MCPH1: variants seen among roughly 807,000 people sequenced by gnomAD.
MCPH1 encodes the protein microcephalin 1.
A neutral mutation model predicts 84.5 loss-of-function variants in MCPH1; 104 were observed. The observed-to-expected ratio is 1.23, with a 90% CI of 1.05 to 1.45. The LOEUF (loss-of-function observed/expected upper bound fraction) is 1.45. Among genes scored for constraint, MCPH1 ranks in the 40% most tolerant of loss-of-function variants. The pLI is 0.00. For synonymous variants in MCPH1, 514 were observed against 366.8 expected, an observed-to-expected ratio of 1.40 and a Z score of -4.58; for missense variants, 1,498 against 1,005.7, an observed-to-expected ratio of 1.49 and a Z score of -6.62.
At chr8:6,481,601 T>C (rs2129559928) in intron 11 of MCPH1, among the ~76,000 whole-genome samples, 1 of 152,230 alleles carries the variant, frequency 6.6e-6, no homozygotes, top group East Asian at 1.9e-4. Context: ...TTCATACTCA[T>C]ACTGTGTTCA....
chr8:6,593,682 T>C (rs1468764008), intron 12 of MCPH1, among the ~76,000 whole-genome samples: 3 of 152,234 alleles, frequency 2.0e-5, no homozygotes, highest in Non-Finnish European at 4.4e-5. Flanking sequence ...GGCTGGATTT[T>C]GTCTTTGCTC....
intron 13 of MCPH1, 98 bp downstream of exon 13, chr8:6,621,789 T>C: frequency 1.3e-6 from 2 of 1,519,262 alleles, no homozygotes; most frequent in Non-Finnish European, 1.8e-6. Context: ...TCCACGCAGC[T>C]GGGGCACCTG....
chr8:6,646,458 T>G lies in MCPH1; in HGVS notation c.*3409T>G, dbSNP rs1356168829. 6.6e-6 allele frequency: 1 copy of G among 152,192 alleles called. No individual in the cohort carries two copies. Among genetic ancestry groups the G allele is most frequent in the Non-Finnish European group, 1.5e-5 (1 of 68,024 alleles). 9.4% of individuals were successfully genotyped at this position (152,192 alleles called of 1,614,324 possible). A position where few individuals can be genotyped will look rare whatever the true frequency, so the allele number is the denominator to read the frequency against. ...AGAATTCAGGTATAAATCTTCATATTTATGGCTGATTGACTTTGAACAAAG... is the reference window on the plus strand; with the variant it reads ...AGAATTCAGGTATAAATCTTCATATGTATGGCTGATTGACTTTGAACAAAG... On this transcript the variant is annotated 3_prime_UTR_variant, in exon 14 of 14. Transcript: ENST00000344683.
chr8:6,597,856 C>T (rs561056643), intron 12 of MCPH1, among the ~76,000 whole-genome samples: 1 of 152,274 alleles, frequency 6.6e-6, no homozygotes, highest in African/African-American at 2.4e-5. Context: ...CCTAGGTGGG[C>T]CTGCCCTTCA....
chr8:6,439,443 T>C (rs916889107), intron 6 of MCPH1, among the ~76,000 whole-genome samples: 88 of 150,838 alleles, frequency 5.8e-4, no homozygotes, highest in African/African-American at 2.0e-3. Flanking sequence ...CAGGCTGGAG[T>C]GCAGTGGCGC....
chr8:6,604,265 G>A lies in MCPH1; in HGVS notation c.2215-17189G>A, dbSNP rs367956955. On this transcript the variant is annotated intron_variant, in intron 12 of 13. Transcript: ENST00000344683. ...GCTTCTCCACGGAGCCCTGTTCTCAGCCCTGGAGGCCGGCAATGTGCTTCA... is the reference window on the plus strand; with the variant it reads ...GCTTCTCCACGGAGCCCTGTTCTCAACCCTGGAGGCCGGCAATGTGCTTCA... Among the ~76,000 whole-genome samples, 546 of 152,270 alleles carry A rather than the reference G, an allele frequency of 3.6e-3. 7 individuals carry two copies. Among genetic ancestry groups the A allele is most frequent in the African/African-American group, 0.013 (532 of 41,558 alleles).
Position 6,406,756 on chromosome 8 carries a change from G to A in MCPH1, c.22+67G>A, listed in dbSNP as rs558835062. 272 of 1,561,116 alleles carry A rather than the reference G, an allele frequency of 1.7e-4. 1 individual carries two copies. Among genetic ancestry groups the A allele is most frequent in the Non-Finnish European group, 1.8e-5 (21 of 1,138,626 alleles). On this transcript the variant is annotated intron_variant, in intron 1 of 13. Coordinates refer to ENST00000344683, the MANE Select transcript of MCPH1 (RefSeq NM_024596.5). ...AGGACCGGCACCCCTCGTCGCGGGC[G>A]CACTCGGGGGATCCCGTGGGAGGAG...
rs777266601 is a variant in MCPH1 at position 6,439,142 on chromosome 8, C to T, written c.580+46C>T. 4 of 1,570,764 alleles carry T rather than the reference C, an allele frequency of 2.5e-6. No homozygotes were observed. The South Asian group carries it at 4.5e-5, about 18-fold the overall frequency. Reference sequence around the variant, plus strand: ...ATGAAAATTATGCAAATAGCCGATTCAATTATGGTGGAAAGCTTCTTTTTT... The same window carrying T: ...ATGAAAATTATGCAAATAGCCGATTTAATTATGGTGGAAAGCTTCTTTTTT... On this transcript the variant is annotated intron_variant, in intron 6 of 13. Coordinates refer to ENST00000344683, the MANE Select transcript of MCPH1 (RefSeq NM_024596.5).
rs1281510751 is a variant in MCPH1 at position 6,445,552 on chromosome 8, G to C, written c.1825+5G>C. 1 of 1,571,414 alleles carries C rather than the reference G, an allele frequency of 6.4e-7. No individual in the cohort carries two copies. Among genetic ancestry groups the C allele is most frequent in the East Asian group, 2.3e-5 (1 of 44,438 alleles). On this transcript the variant is annotated splice_donor_5th_base_variant and intron_variant, in intron 8 of 13. Coordinates refer to ENST00000344683, the MANE Select transcript of MCPH1 (RefSeq NM_024596.5). ...TACCCGGAGGATACAGTGGAAGTAT[G>C]TGAATCTCCTTTTCCAAGTCACCTT...
intron 13 of MCPH1, chr8:6,625,019 G>A (rs889553541): frequency 8.3e-6 from 4 of 480,118 alleles, no homozygotes; most frequent in Non-Finnish European, 1.1e-5. Context: ...GGAATTACAG[G>A]CCCCGCCACC....
At chr8:6,546,951 C>T (rs1171354376) in intron 12 of MCPH1, among the ~76,000 whole-genome samples, 1 of 152,196 alleles carries the variant, frequency 6.6e-6, no homozygotes, top group Non-Finnish European at 1.5e-5. Context: ...ATGTTCCTTG[C>T]AAGCTGGCTG....
At chr8:6,507,042 C>T (rs1296413152) in intron 12 of MCPH1, among the ~76,000 whole-genome samples, 10 of 152,010 alleles carry the variant, frequency 6.6e-5, no homozygotes, top group African/African-American at 1.4e-4. Context: ...GGATTACAGG[C>T]GTATGCCACC....
intron 8 of MCPH1, chr8:6,446,199 C>G (rs1804342609): frequency 2.2e-6 from 2 of 899,562 alleles, no homozygotes; most frequent in African/African-American, 3.6e-5. Flanking sequence ...TAAACCATAT[C>G]ATTTTATTAA....
rs977939405 is a variant in MCPH1 at position 6,645,053 on chromosome 8, G to A, written c.*2004G>A. On this transcript the variant is annotated 3_prime_UTR_variant, in exon 14 of 14. Coordinates refer to ENST00000344683, the MANE Select transcript of MCPH1 (RefSeq NM_024596.5). ...TTTCTCTATAACCACAAGCATCCTG[G>A]CTTGGTAGTGCTCCCACAGCACCAA... 2.6e-5 allele frequency: 4 copies of A among 152,158 alleles called. No individual in the cohort carries two copies. The highest frequency in any genetic ancestry group is 5.9e-5 in the Non-Finnish European group (4 of 68,044). The allele number at this position is 152,158 out of a possible 1,614,324, so 9.4% of individuals were successfully genotyped here. A position where few individuals can be genotyped will look rare whatever the true frequency, so the allele number is the denominator to read the frequency against.
At chr8:6,635,466 G>C (rs988428160) in intron 13 of MCPH1, 2 of 152,060 alleles carry the variant, frequency 1.3e-5, no homozygotes, top group African/African-American at 2.4e-5. Flanking sequence ...ATGGTGACAC[G>C]TGACTATAGT....
At position 6,621,821 on chromosome 8, in the gene MCPH1, C is replaced by A. The variant is rs185924969; in HGVS notation, c.2452+130C>A. On this transcript the variant is annotated intron_variant, in intron 13 of 13. Transcript: ENST00000344683. ...CCTGGGTTGATGTCTCAGCCTCCAG[C>A]ATCTGCCCTGGCAGCGTCGTGTGGT... 7 of 1,235,624 alleles carry A rather than the reference C, an allele frequency of 5.7e-6. No homozygotes were observed. The African/African-American group carries it at 8.9e-5, about 16-fold the overall frequency. The allele number at this position is 1,235,624 out of a possible 1,614,324, so 76.5% of individuals were successfully genotyped here.
intron 12 of MCPH1, among the ~76,000 whole-genome samples, chr8:6,604,360 T>A (rs1201197698): frequency 6.6e-6 from 1 of 152,236 alleles, no homozygotes; most frequent in Non-Finnish European, 1.5e-5. Flanking sequence ...GTGATTCAGA[T>A]CAGATCTCTG....
chr8:6,456,977 T>C (rs544215960), intron 9 of MCPH1, among the ~76,000 whole-genome samples: 2 of 152,282 alleles, frequency 1.3e-5, no homozygotes, highest in South Asian at 4.1e-4. Context: ...TCTGGCATTC[T>C]TCTGTAGATC....
Position 6,604,098 on chromosome 8 carries a change from T to A in MCPH1, c.2215-17356T>A, listed in dbSNP as rs75536888. Among the ~76,000 whole-genome samples the A allele has an allele frequency of 1.3e-4, 20 of 151,824 alleles. No homozygotes were observed. The East Asian group carries it at 3.5e-3, about 27-fold the overall frequency. On this transcript the variant is annotated intron_variant, in intron 12 of 13. Coordinates refer to ENST00000344683, the MANE Select transcript of MCPH1 (RefSeq NM_024596.5). ...ACAGGCACACTCTGCTGGTGGCCTC[T>A]GGATGGGGACTGGAGCCTGATCTTG...
Sources: gnomAD v4.1 joint callset for allele counts (sites outside exome capture counted in the v4.1 genomes callset) on GRCh38, gnomAD v4.1.1 for gene constraint, MANE v1.5 for transcripts, NCBI Gene and HGNC (gene_info 2026-07-23, HGNC 2026-07-21) for gene names.